KCNIP4: variants seen among roughly 807,000 people sequenced by gnomAD.
The protein encoded by KCNIP4 is potassium voltage-gated channel interacting protein 4, also known as Kv channel-interacting protein 4.
Under a neutral mutation model 34.0 loss-of-function variants are expected in KCNIP4, and 12 were observed. The observed-to-expected ratio is 0.35, with a 90% CI of 0.23 to 0.57. KCNIP4 has a LOEUF of 0.57. Among genes scored for constraint, KCNIP4 ranks in the 20% least tolerant of loss-of-function variants. The probability of loss-of-function intolerance (pLI) is 0.83; values close to 1 mark genes in which losing one functional copy is unlikely to be tolerated. For missense variants in KCNIP4, 238 were observed against 311.7 expected (o/e 0.76, Z 1.78); for synonymous variants, 124 against 102.2 (o/e 1.21, Z -1.29).
chr4:21,785,497 C>A (rs1484968069), intron 1 of KCNIP4, among the ~76,000 whole-genome samples: 1 of 151,964 alleles, frequency 6.6e-6, no homozygotes, highest in Non-Finnish European at 1.5e-5. Flanking sequence ...AAGGCTGAGG[C>A]AGGAGAATCA....
intron 1 of KCNIP4, among the ~76,000 whole-genome samples, chr4:21,576,718 A>G (rs543051917): frequency 6.6e-6 from 1 of 152,208 alleles, no homozygotes; most frequent in Admixed American, 6.5e-5. Context: ...AATATTCATA[A>G]TAACTTTTGC....
At chr4:20,822,616 T>G (rs1256879085) in intron 3 of KCNIP4, among the ~76,000 whole-genome samples, 1 of 152,158 alleles carries the variant, frequency 6.6e-6, no homozygotes, top group African/African-American at 2.4e-5. Flanking sequence ...TAAAAGAGAC[T>G]CTGAACTTTA....
intron 1 of KCNIP4, among the ~76,000 whole-genome samples, chr4:21,616,050 C>G (rs1744574862): frequency 6.6e-6 from 1 of 152,110 alleles, no homozygotes; most frequent in Non-Finnish European, 1.5e-5. Context: ...TCCAATAGCT[C>G]CCTATTTCTT....
chr4:20,755,438 G>C (rs979521346), intron 4 of KCNIP4, among the ~76,000 whole-genome samples: 3 of 152,166 alleles, frequency 2.0e-5, no homozygotes, highest in Non-Finnish European at 2.9e-5. Context: ...CAGCCACCAT[G>C]TGAGGTGGGT....
At chr4:21,785,629 A>G (rs867139617) in intron 1 of KCNIP4, among the ~76,000 whole-genome samples, 1 of 151,924 alleles carries the variant, frequency 6.6e-6, no homozygotes. Flanking sequence ...TAAAAAAATA[A>G]CCATGAGCTA....
rs149373722 is a variant in KCNIP4, at chr4:20,985,911, C to A, written c.62-103202G>T. ...TGAGGTTGGTAGACCTGGGTACAAT[C>A]CTAGCCTTACCCTTGCTTGCTCCAT... is the stretch of plus-strand genomic sequence containing the variant. On this transcript the variant is annotated intron_variant, in intron 1 of 8. Coordinates refer to ENST00000382152, the MANE Select transcript of KCNIP4 (RefSeq NM_025221.6). Among the ~76,000 whole-genome samples the A allele has an allele frequency of 1.6e-3, 236 of 152,252 alleles. 3 individuals are homozygous for A. In the East Asian group the frequency reaches 0.039, roughly 25 times the overall value.
chr4:21,458,158 C>A (rs1367282636), intron 1 of KCNIP4, among the ~76,000 whole-genome samples: 6 of 120,852 alleles, frequency 5.0e-5, no homozygotes, highest in South Asian at 3.2e-4. Context: ...CCCACCCTAC[C>A]ACAGTCCCCA....
chr4:21,200,696 T>C (rs1022968955), intron 1 of KCNIP4, among the ~76,000 whole-genome samples: 3 of 151,944 alleles, frequency 2.0e-5, no homozygotes, highest in Non-Finnish European at 4.4e-5. Context: ...CGAGGTAGGC[T>C]ACTCTGGTGA....
At chr4:21,819,889 T>C (rs1484886912) in intron 1 of KCNIP4, among the ~76,000 whole-genome samples, 2 of 152,144 alleles carry the variant, frequency 1.3e-5, no homozygotes, top group South Asian at 2.1e-4. Flanking sequence ...TGGTCTCTTT[T>C]AGGGAAATAG....
rs77596582 is a variant in KCNIP4, at chr4:20,792,876, G to T, written c.289-33986C>A. Among the ~76,000 whole-genome samples, 478 of 152,228 alleles carry T rather than the reference G, an allele frequency of 3.1e-3. 7 individuals carry two copies. In the East Asian group the frequency reaches 0.05, roughly 16 times the overall value. ...TAGAAATAAATTCAGTGGTTTATAG[G>T]ACACTTGAGCAGTACTATCCACCAA... On this transcript the variant is annotated intron_variant, in intron 3 of 8. Transcript: ENST00000382152.
intron 1 of KCNIP4, among the ~76,000 whole-genome samples, chr4:20,985,251 G>A (rs1047343088): frequency 6.6e-6 from 1 of 152,146 alleles, no homozygotes; most frequent in East Asian, 1.9e-4. Context: ...ATTCTATGCA[G>A]TCAAGATCAT....
At chr4:20,836,774 T>C (rs1172104599) in intron 3 of KCNIP4, among the ~76,000 whole-genome samples, 4 of 152,144 alleles carry the variant, frequency 2.6e-5, no homozygotes, top group Non-Finnish European at 5.9e-5. Context: ...ACCAAACAAC[T>C]GGGCACCCTA....
chr4:21,860,748 T>C (rs140619491), intron 1 of KCNIP4, among the ~76,000 whole-genome samples: 18 of 152,310 alleles, frequency 1.2e-4, no homozygotes, highest in Middle Eastern at 3.4e-3. Context: ...GTATACACAA[T>C]TGAAGTTATA....
chr4:21,786,094 G>A (rs949121347), intron 1 of KCNIP4, among the ~76,000 whole-genome samples: 8 of 152,078 alleles, frequency 5.3e-5, no homozygotes, highest in South Asian at 2.1e-4. Flanking sequence ...GACTACAGGC[G>A]TGCGCCACCA....
intron 1 of KCNIP4, among the ~76,000 whole-genome samples, chr4:21,265,052 T>C (rs1761709230): frequency 6.6e-6 from 1 of 151,864 alleles, no homozygotes; most frequent in Non-Finnish European, 1.5e-5. Flanking sequence ...TGAGCCGAGA[T>C]CATACCACTG....
chr4:21,648,684 A>G (rs1296875219), intron 1 of KCNIP4, among the ~76,000 whole-genome samples: 1 of 152,234 alleles, frequency 6.6e-6, no homozygotes, highest in Non-Finnish European at 1.5e-5. Flanking sequence ...CAAAATTTTC[A>G]TTCACATATA....
intron 1 of KCNIP4, among the ~76,000 whole-genome samples, chr4:21,926,657 C>T (rs1244495721): frequency 2.0e-5 from 3 of 152,136 alleles, no homozygotes; most frequent in African/African-American, 4.8e-5. Context: ...TCCTATAAGT[C>T]GAGCTTCAAG....
At chr4:21,478,885 T>C (rs1349289753) in intron 1 of KCNIP4, among the ~76,000 whole-genome samples, 4 of 152,298 alleles carry the variant, frequency 2.6e-5, no homozygotes, top group South Asian at 4.1e-4. Flanking sequence ...GAAAAGAGAA[T>C]TGGATTTCAG....
intron 1 of KCNIP4, among the ~76,000 whole-genome samples, chr4:21,132,604 A>G (rs1451249949): frequency 1.3e-5 from 2 of 152,152 alleles, no homozygotes; most frequent in Non-Finnish European, 2.9e-5. Flanking sequence ...CTAGACATCT[A>G]TGGTTTTAAA....
Sources: gnomAD v4.1 joint callset for allele counts (sites outside exome capture counted in the v4.1 genomes callset) on GRCh38, gnomAD v4.1.1 for gene constraint, MANE v1.5 for transcripts, NCBI Gene and HGNC (gene_info 2026-07-23, HGNC 2026-07-21) for gene names.